PCDHGA4: variants seen among roughly 807,000 people sequenced by gnomAD.
The protein encoded by PCDHGA4 is protocadherin gamma-A4.
In PCDHGA4, 38 loss-of-function variants were observed where a neutral mutation model predicts 54.6. The ratio of observed to expected loss-of-function variants is 0.70; its 90% confidence interval spans 0.54 to 0.91. The LOEUF (loss-of-function observed/expected upper bound fraction) is 0.91, where lower values mean the gene tolerates loss of function less well. Ranked by LOEUF, PCDHGA4 falls within the 40% of genes least tolerant of loss-of-function variation. The pLI, the probability that PCDHGA4 is intolerant of heterozygous loss-of-function variation, is 0.00. For synonymous variants in PCDHGA4, 511 were observed against 512.9 expected, an observed-to-expected ratio of 1.00 and a Z score of 0.05; for missense variants, 1,298 against 1,220.9, an observed-to-expected ratio of 1.06 and a Z score of -0.94.
intron 3 of PCDHGA4, chr5:141,506,955 C>T (rs1387377785): frequency 2.6e-5 from 4 of 152,362 alleles, no homozygotes; most frequent in South Asian, 2.1e-4. Context: ...AATGAATCCT[C>T]TCAATAGCTC....
At chr5:141,453,201 C>A (rs115660512) in intron 1 of PCDHGA4, among the ~76,000 whole-genome samples, 1 of 152,206 alleles carries the variant, frequency 6.6e-6, no homozygotes, top group South Asian at 2.1e-4. Flanking sequence ...GCAGCCTCAA[C>A]CTCGTGCACT....
Position 141,511,231 on chromosome 5 carries a change from C to T in PCDHGA4, c.*58C>T. On this transcript the variant is annotated 3_prime_UTR_variant, in exon 4 of 4. Coordinates refer to ENST00000571252, the MANE Select transcript of PCDHGA4 (RefSeq NM_018917.4). ...CTCTCCCCAACCAGCCCAGCTTCTC[C>T]TTACCTGCACCCAGGCCTCAGAGTT... 2 of 1,595,900 alleles carry T rather than the reference C, an allele frequency of 1.3e-6. No individual in the cohort carries two copies. The highest frequency in any genetic ancestry group is 2.2e-5 in the South Asian group (2 of 88,992).
chr5:141,421,477 A>G (rs755936665), intron 1 of PCDHGA4: 23 of 1,614,022 alleles, frequency 1.4e-5, no homozygotes, highest in Non-Finnish European at 1.7e-6. Context: ...GCGAAGCGGC[A>G]GCTTGATCAC....
chr5:141,419,515 G>T, intron 1 of PCDHGA4: 1 of 1,612,264 alleles, frequency 6.2e-7, no homozygotes, highest in Non-Finnish European at 8.5e-7. Flanking sequence ...GCGTGTTGGT[G>T]GGCGACCGTA....
intron 1 of PCDHGA4, chr5:141,382,723 T>TA: frequency 1.9e-6 from 1 of 523,900 alleles, no homozygotes; most frequent in Non-Finnish European, 3.2e-6. Flanking sequence ...CACCGAGTTT[T>TA]ACAGCACAGA....
intron 1 of PCDHGA4, among the ~76,000 whole-genome samples, chr5:141,468,165 A>T (rs1249592462): frequency 1.3e-5 from 2 of 151,940 alleles, no homozygotes; most frequent in Non-Finnish European, 2.9e-5. Flanking sequence ...TCTCTGCTAA[A>T]AATAGAAAAA....
chr5:141,362,634 T>G, intron 1 of PCDHGA4: 1 of 1,484,528 alleles, frequency 6.7e-7, no homozygotes, highest in East Asian at 2.4e-5. Context: ...ACTGCGTATT[T>G]CTTTGTCTGT....
intron 1 of PCDHGA4, chr5:141,417,570 T>A: frequency 2.7e-6 from 1 of 373,028 alleles, no homozygotes; most frequent in Non-Finnish European, 4.7e-6. Context: ...AAAAGTCAAG[T>A]TGCAGTCCCA....
At chr5:141,375,097 G>A in intron 1 of PCDHGA4, 1 of 1,613,904 alleles carries the variant, frequency 6.2e-7, no homozygotes, top group Non-Finnish European at 8.5e-7. Flanking sequence ...TAACTATCTT[G>A]GATGTCAATG....
intron 1 of PCDHGA4, chr5:141,392,643 AAGAC>A: frequency 1.5e-6 from 1 of 663,020 alleles, no homozygotes; most frequent in Middle Eastern, 4.0e-4. Context: ...ACACCTCACG[AAGAC>A]CCGCAGATGC....
In PCDHGA4 at chr5:141,490,304, T is replaced by G. The variant is rs2099698490; in HGVS notation, c.2515-4503T>G. On this transcript the variant is annotated intron_variant, in intron 1 of 3. Coordinates refer to ENST00000571252, the MANE Select transcript of PCDHGA4 (RefSeq NM_018917.4). This position sits in a 1 kb window ranked among gnomAD's most constrained non-coding sequence, Gnocchi z 5.4. ...GCCCCAGAGGTGCTATTGGCCTCTT[T>G]GGCCAACCCTGTCCTAGAGAGCACA... 1.2e-6 allele frequency: 2 copies of G among 1,614,026 alleles called. No homozygotes were observed. The highest frequency in any genetic ancestry group is 1.7e-5 in the Admixed American group (1 of 60,010).
chr5:141,355,141 G>C lies in PCDHGA4; in HGVS notation c.34G>C (p.Ala12Pro). ...TATTTTGGACCCAGAAGATCCTGGG[G>C]CTCCTCAGGCCTCGACAGAGGGAAA... Reference protein sequence around the residue: ...HFILDPEDPGAPQASTEGKPK... With the variant: ...HFILDPEDPGPPQASTEGKPK... Residue 12 changes from alanine to proline, a missense_variant, in exon 1 of 4, where the codon GCT (alanine) becomes CCT (proline). Coordinates refer to ENST00000571252, the MANE Select transcript of PCDHGA4 (RefSeq NM_018917.4). 1 of 1,526,010 alleles carries C rather than the reference G, an allele frequency of 6.6e-7. No individual in the cohort carries two copies. The allele number at this position is 1,526,010 out of a possible 1,614,324, so 94.5% of individuals were successfully genotyped here. A position where few individuals can be genotyped will look rare whatever the true frequency, so the allele number is the denominator to read the frequency against.
Position 141,432,184 on chromosome 5 carries a change from C to T in PCDHGA4, c.2515-62623C>T, listed in dbSNP as rs774512372. 3.7e-6 allele frequency: 6 copies of T among 1,614,164 alleles called. No homozygotes were observed. The highest frequency in any genetic ancestry group is 2.2e-5 in the South Asian group (2 of 91,080). On this transcript the variant is annotated intron_variant, in intron 1 of 3. Transcript: ENST00000571252. The surrounding 1 kb of genome is among the most constrained non-coding windows in gnomAD (Gnocchi z 6.0). Reference sequence around the variant, plus strand: ...GAGGAGTTTCCCTCGTCTCTGTGACCGCCCACGACCCCGACTGTGAAGAGA... The same window carrying T: ...GAGGAGTTTCCCTCGTCTCTGTGACTGCCCACGACCCCGACTGTGAAGAGA...
intron 1 of PCDHGA4, among the ~76,000 whole-genome samples, chr5:141,446,107 T>C (rs1031524158): frequency 6.6e-6 from 1 of 152,130 alleles, no homozygotes; most frequent in Admixed American, 6.5e-5. Flanking sequence ...TATAGATATA[T>C]TTAGGAAATG....
At chr5:141,414,283 G>T in intron 1 of PCDHGA4, 1 of 1,613,520 alleles carries the variant, frequency 6.2e-7, no homozygotes, top group Non-Finnish European at 8.5e-7. Flanking sequence ...GGGAACAGTC[G>T]TAGCCCTTTT....
intron 1 of PCDHGA4, among the ~76,000 whole-genome samples, chr5:141,426,005 G>A (rs189148799): frequency 4.1e-4 from 63 of 152,202 alleles, no homozygotes; most frequent in Admixed American, 2.1e-3. Flanking sequence ...AAAGGCTTCC[G>A]GCTGCAGTTT....
At chr5:141,497,272 T>G (rs568198729) in intron 2 of PCDHGA4, among the ~76,000 whole-genome samples, 20 of 152,254 alleles carry the variant, frequency 1.3e-4, no homozygotes, top group African/African-American at 4.3e-4. Flanking sequence ...CTAGGCCATT[T>G]ATGTTCCCTC....
In PCDHGA4 at chr5:141,511,360, T is replaced by C; in HGVS notation, c.*187T>C. The C allele has an allele frequency of 7.5e-7, 1 of 1,333,050 alleles. No individual in the cohort carries two copies. Among genetic ancestry groups the C allele is most frequent in the Non-Finnish European group, 1.0e-6 (1 of 994,882 alleles). 82.6% of individuals were successfully genotyped at this position (1,333,050 alleles called of 1,614,324 possible). On this transcript the variant is annotated 3_prime_UTR_variant, in exon 4 of 4. Transcript: ENST00000571252. ...ACCTACCCCTTCCCCCCCAGGGGGT[T>C]GAATATGCAAAAGCAGTTCCGCTGG...
intron 1 of PCDHGA4, chr5:141,371,837 G>A: frequency 6.2e-7 from 1 of 1,613,710 alleles, no homozygotes; most frequent in South Asian, 1.1e-5. Context: ...ATCCCGACTT[G>A]GGACCTAATG....
Sources: gnomAD v4.1 joint callset for allele counts (sites outside exome capture counted in the v4.1 genomes callset) on GRCh38, gnomAD v4.1.1 for gene constraint, Gnocchi (gnomAD v3.1) non-coding constraint, MANE v1.5 for transcripts, NCBI Gene and HGNC (gene_info 2026-07-23, HGNC 2026-07-21) for gene names.